Variants in HAUS6 observed in about 807,000 individuals in gnomAD.
HAUS6 encodes HAUS augmin-like complex subunit 6.
Under a neutral mutation model 106.8 loss-of-function variants are expected in HAUS6, and 80 were observed. That is an observed-to-expected ratio of 0.75 (90% CI 0.63 to 0.90). HAUS6 has a LOEUF of 0.90. Ranked by LOEUF, HAUS6 falls within the 40% of genes least tolerant of loss-of-function variation. The probability of loss-of-function intolerance (pLI) is 0.00; values close to 1 mark genes in which losing one functional copy is unlikely to be tolerated. For missense variants in HAUS6, 1,155 were observed against 1,118.1 expected (o/e 1.03, Z -0.47); for synonymous variants, 356 against 379.1 (o/e 0.94, Z 0.71).
In HAUS6 at chr9:19,065,848, A is replaced by G. The variant is rs1482726983; in HGVS notation, c.1377-2268T>C. On this transcript the variant is annotated intron_variant, in intron 12 of 16. Transcript: ENST00000380502. The stretch of plus-strand genomic sequence containing the variant: ...AGGAACGAAACTCCGCCTCAAAAAT[A>G]AATTAATGAATAAAATTTTGTACTT... Among the ~76,000 whole-genome samples, 3 of 152,278 alleles carry G rather than the reference A, an allele frequency of 2.0e-5. No homozygotes were observed. The East Asian group carries it at 5.8e-4, about 29-fold the overall frequency.
chr9:19,094,800 A>C (rs144816286), intron 2 of HAUS6, among the ~76,000 whole-genome samples: 2 of 152,140 alleles, frequency 1.3e-5, no homozygotes, highest in Non-Finnish European at 2.9e-5. Context: ...AAAAACCATT[A>C]AAGTGAAATG....
rs758536483 is a variant in HAUS6 at position 19,063,563 on chromosome 9, G to A, written c.1394C>T (p.Ser465Leu). The A allele has an allele frequency of 1.3e-5, 21 of 1,605,658 alleles. No homozygotes were observed. Among genetic ancestry groups the A allele is most frequent in the East Asian group, 8.9e-5 (4 of 44,818 alleles). The change falls in exon 13 of 17, where the codon TCG (serine) becomes TTG (leucine). Residue 465 changes from serine to leucine, a missense_variant. Ser to Leu is a moderately radical substitution (Grantham distance 145, BLOSUM62 -2). Around this residue, in one of 3 missense-constraint regions of HAUS6, gnomAD observed 761 missense variants for 690.0 expected, o/e 1.10. Transcript: ENST00000380502. ...TCTATCTGATGATGAAACTGACTGC[G>A]ACAAGAAAGAGGCAGGGCTAAAAGG... ...DLANSPASFL[S>L]QSVSSSDRNS... is the part of the protein sequence containing the mutation.
At chr9:19,097,932 G>C (rs889113716) in intron 1 of HAUS6, among the ~76,000 whole-genome samples, 8 of 152,126 alleles carry the variant, frequency 5.3e-5, no homozygotes, top group East Asian at 3.9e-4. Flanking sequence ...ATTCTCTTGC[G>C]TAAGTTCCTA....
intron 11 of HAUS6, among the ~76,000 whole-genome samples, chr9:19,074,716 C>T (rs1033446509): frequency 6.6e-6 from 1 of 152,174 alleles, no homozygotes; most frequent in African/African-American, 2.4e-5. Context: ...AAGTCCTGTG[C>T]TAACTGCTGT....
intron 1 of HAUS6, among the ~76,000 whole-genome samples, chr9:19,098,968 G>A (rs1336625463): frequency 1.4e-5 from 2 of 142,800 alleles, no homozygotes; most frequent in Admixed American, 7.4e-5. Context: ...GTTGCGGTGA[G>A]GTCATGCCAT....
chr9:19,092,306 A>G (rs1817769408), intron 4 of HAUS6, among the ~76,000 whole-genome samples: 1 of 151,654 alleles, frequency 6.6e-6, no homozygotes, highest in Non-Finnish European at 1.5e-5. Context: ...AAAAAAAACA[A>G]CAACAAAAGG....
intron 12 of HAUS6, among the ~76,000 whole-genome samples, chr9:19,067,311 T>C (rs1386580457): frequency 6.6e-6 from 1 of 152,228 alleles, no homozygotes; most frequent in Non-Finnish European, 1.5e-5. Flanking sequence ...TGATGGAACA[T>C]GTAACTACAT....
intron 8 of HAUS6, among the ~76,000 whole-genome samples, chr9:19,080,954 C>G (rs1837132328): frequency 6.6e-6 from 1 of 152,016 alleles, no homozygotes; most frequent in Non-Finnish European, 1.5e-5. Context: ...TGCCTGTAAT[C>G]ACAGCTACTC....
chr9:19,100,875 C>A (rs1259708412), intron 1 of HAUS6, among the ~76,000 whole-genome samples: 2 of 151,616 alleles, frequency 1.3e-5, no homozygotes, highest in East Asian at 3.9e-4. Context: ...CATGTGAAAG[C>A]AAAAAAAGTG....
intron 1 of HAUS6, 43 bp downstream of exon 1, chr9:19,102,481 C>G (rs746320685): frequency 1.9e-6 from 3 of 1,600,480 alleles, no homozygotes; most frequent in Non-Finnish European, 2.6e-6. Context: ...CCCGGCGTCC[C>G]CCGGTTCAGG....
At position 19,056,398 on chromosome 9, in the gene HAUS6, T is replaced by G. The variant is rs1836470569; in HGVS notation, c.2813A>C (p.Asp938Ala). Reference protein sequence around the residue: ...LGELPNLKEEDILNKSLDAKE... With the variant: ...LGELPNLKEEAILNKSLDAKE... Reference sequence around the variant, plus strand: ...TGCATCAAGGCTCTTATTCAAAATGTCTTCTTCTGCAAATTGATTTTAAAA... The same window carrying G: ...TGCATCAAGGCTCTTATTCAAAATGGCTTCTTCTGCAAATTGATTTTAAAA... The change falls in exon 17 of 17, where the codon GAC becomes GCC. Residue 938 changes from aspartate (D) to alanine (A), a missense_variant. Asp to Ala is a moderately radical substitution (Grantham distance 126, BLOSUM62 -2). This residue lies in a region of HAUS6 where 380 missense variants were observed against 394.8 expected (regional missense o/e 0.96). Coordinates refer to ENST00000380502, the MANE Select transcript of HAUS6 (RefSeq NM_017645.5). The G allele has an allele frequency of 7.1e-6, 11 of 1,546,318 alleles. No individual in the cohort carries two copies. The East Asian group carries it at 2.5e-4, about 35-fold the overall frequency.
intron 16 of HAUS6, 79 bp downstream of exon 16, chr9:19,057,882 A>T: frequency 1.3e-6 from 1 of 765,014 alleles, no homozygotes; most frequent in Non-Finnish European, 2.1e-6. Flanking sequence ...GTCATGCAGC[A>T]TTCTTTGTGT....
At position 19,058,430 on chromosome 9, in the gene HAUS6, A is replaced by G; in HGVS notation, c.2337T>C (p.Thr779=). 1 of 1,604,346 alleles carries G rather than the reference A, an allele frequency of 6.2e-7. No individual in the cohort carries two copies. The highest frequency in any genetic ancestry group is 8.5e-7 in the Non-Finnish European group (1 of 1,172,550). ...KDNDFGILHE[T]LPEEVGHLSF... ...TTAGATGACCAACTTCTTCCGGGAG[A>G]GTTTCGTGTAATATGCCAAAATCAT... The change falls in exon 16 of 17, where the codon ACT becomes ACC. Residue 779 remains threonine (T), a synonymous_variant. Coordinates refer to ENST00000380502, the MANE Select transcript of HAUS6 (RefSeq NM_017645.5).
At position 19,064,391 on chromosome 9, in the gene HAUS6, G is replaced by C. The variant is rs115286331; in HGVS notation, c.1377-811C>G. On this transcript the variant is annotated intron_variant, in intron 12 of 16. Coordinates refer to ENST00000380502, the MANE Select transcript of HAUS6 (RefSeq NM_017645.5). ...GTAATGTCATAAGGTCAGAGTTTTA[G>C]TTTGCCACATTCTGTTGTATTTGTT... 2.2e-3 allele frequency among the ~76,000 whole-genome samples: 335 copies of C among 152,260 alleles called. 1 individual carries two copies. The highest frequency in any genetic ancestry group is 7.6e-3 in the African/African-American group (315 of 41,554).
At chr9:19,099,509 G>C (rs1817942609) in intron 1 of HAUS6, among the ~76,000 whole-genome samples, 1 of 152,098 alleles carries the variant, frequency 6.6e-6, no homozygotes. Context: ...TTGTTACCCA[G>C]GCTGGAGTGC....
intron 12 of HAUS6, 191 bp from the exon 13 acceptor site, chr9:19,063,771 G>C (rs765071966): frequency 1.3e-6 from 1 of 742,432 alleles, no homozygotes; most frequent in Non-Finnish European, 2.5e-6. Flanking sequence ...AGCCCAATTT[G>C]TGTATCAGCC....
At chr9:19,087,985 C>A (rs939565274) in intron 5 of HAUS6, among the ~76,000 whole-genome samples, 1 of 151,704 alleles carries the variant, frequency 6.6e-6, no homozygotes, top group Non-Finnish European at 1.5e-5. Flanking sequence ...AGAAGAAACT[C>A]CAAGAAAAAA....
chr9:19,058,263 C>A lies in HAUS6; in HGVS notation c.2504G>T (p.Ser835Ile), dbSNP rs1836524246. The A allele has an allele frequency of 1.2e-6, 2 of 1,613,882 alleles. No homozygotes were observed. The highest frequency in any genetic ancestry group is 2.7e-5 in the African/African-American group (2 of 75,012). Residue 835 changes from serine (S) to isoleucine (I), a missense_variant, in exon 16 of 17, where the codon AGT (serine) becomes ATT (isoleucine). Transcript: ENST00000380502. ...AGATTTCTTCAGAGCCTCGTATCTA[C>A]TGCGAAGAGCCTGTAAATTAAAGTC... is the stretch of plus-strand genomic sequence containing the variant. ...ESDFNLQALR[S>I]RYEALKKSLS...
At chr9:19,062,251 G>C (rs1432202012) in intron 14 of HAUS6, among the ~76,000 whole-genome samples, 1 of 152,108 alleles carries the variant, frequency 6.6e-6, no homozygotes, top group Non-Finnish European at 1.5e-5. Flanking sequence ...ACAGCAAAAA[G>C]AACAAAACCT....
Sources: allele counts gnomAD v4.1 joint callset (sites outside exome capture counted in the v4.1 genomes callset), GRCh38; gene constraint gnomAD v4.1.1; regional missense constraint gnomAD v4.1.1; transcripts MANE v1.5; gene names NCBI Gene and HGNC (gene_info 2026-07-23, HGNC 2026-07-21).